PIP5K1A: variants seen among roughly 807,000 people sequenced by gnomAD.
PIP5K1A encodes phosphatidylinositol-4-phosphate 5-kinase type 1 alpha.
PIP5K1A carries 46 observed loss-of-function variants against 72.9 expected under a neutral mutation model. The observed-to-expected ratio is 0.63, with a 90% confidence interval of 0.50 to 0.81. The LOEUF is 0.81. Among genes scored for constraint, PIP5K1A ranks in the 30% least tolerant of loss-of-function variants. The pLI is 0.00. For synonymous variants in PIP5K1A, 228 were observed against 255.1 expected, an observed-to-expected ratio of 0.89 and a Z score of 1.01; for missense variants, 458 against 706.1, an observed-to-expected ratio of 0.65 and a Z score of 3.98.
At chr1:151,215,941 C>CT in intron 1 of PIP5K1A, 1 of 1,296,550 alleles carries the variant, frequency 7.7e-7, no homozygotes, top group South Asian at 1.2e-5. Flanking sequence ...TAAGGGGTAA[C>CT]TTTCTGTTTT....
At chr1:151,231,284 G>A (rs1421188751) in intron 4 of PIP5K1A, among the ~76,000 whole-genome samples, 1 of 151,526 alleles carries the variant, frequency 6.6e-6, no homozygotes, top group East Asian at 1.9e-4. Context: ...GAAATGTTTA[G>A]AGGGCTCCAG....
chr1:151,233,676 G>A (rs982289625), intron 7 of PIP5K1A: 1 of 153,092 alleles, frequency 6.5e-6, no homozygotes. Context: ...CTGAGCTCAA[G>A]TGATCCTCCT....
rs1571041371 is a variant in PIP5K1A at position 151,246,973 on chromosome 1, T to C, written c.1686+8T>C. 1.2e-6 allele frequency: 2 copies of C among 1,611,476 alleles called. No individual in the cohort carries two copies. Among genetic ancestry groups the C allele is most frequent in the Non-Finnish European group, 1.7e-6 (2 of 1,177,650 alleles). On this transcript the variant is annotated splice_region_variant and intron_variant, in intron 15 of 15. Transcript: ENST00000368888. The stretch of plus-strand genomic sequence containing the variant: ...GAGTCAGAGTTCACCCATGTGAGTA[T>C]CTGGGATGTGTGGGAGGTGAACGTT...
intron 12 of PIP5K1A, 28 bp downstream of exon 12, chr1:151,240,067 T>C (rs745582698): frequency 6.6e-7 from 1 of 1,514,516 alleles, no homozygotes; most frequent in Non-Finnish European, 9.2e-7. Flanking sequence ...ATTGACTGCC[T>C]ACTCCTGCCC....
At chr1:151,214,398 T>A (rs1687284671) in intron 1 of PIP5K1A, among the ~76,000 whole-genome samples, 1 of 152,044 alleles carries the variant, frequency 6.6e-6, no homozygotes, top group South Asian at 2.1e-4. Flanking sequence ...GTTTTTGTTT[T>A]GAGATAGAGT....
rs587660948 is a variant in PIP5K1A, at chr1:151,243,147, A to G, written c.1640+580A>G. Reference sequence around the variant, plus strand: ...CATGGGTGTGAATACCAGGAGGTGCAGGGATCATTGTGAGCCATCTTAGAA... The same window carrying G: ...CATGGGTGTGAATACCAGGAGGTGCGGGGATCATTGTGAGCCATCTTAGAA... On this transcript the variant is annotated intron_variant, in intron 14 of 15. Coordinates refer to ENST00000368888, the MANE Select transcript of PIP5K1A (RefSeq NM_001135638.2). 2.0e-5 allele frequency among the ~76,000 whole-genome samples: 3 copies of G among 152,346 alleles called. No homozygotes were observed. The East Asian group carries it at 5.8e-4, about 29-fold the overall frequency.
At position 151,240,251 on chromosome 1, in the gene PIP5K1A, G is replaced by T. The variant is rs587666504; in HGVS notation, c.1363+212G>T. The T allele has an allele frequency of 1.7e-5, 9 of 545,030 alleles. No individual in the cohort carries two copies. The African/African-American group carries it at 1.8e-4, about 11-fold the overall frequency. 33.8% of individuals were successfully genotyped at this position (545,030 alleles called of 1,614,324 possible). ...TTCCCCCTTGGCTCTTCCTGCATATGTCAATGAGGTGAGGACCATTTCTGG... is the reference window on the plus strand; with the variant it reads ...TTCCCCCTTGGCTCTTCCTGCATATTTCAATGAGGTGAGGACCATTTCTGG... On this transcript the variant is annotated intron_variant, in intron 12 of 15. Coordinates refer to ENST00000368888, the MANE Select transcript of PIP5K1A (RefSeq NM_001135638.2).
upstream of PIP5K1A, chr1:151,198,426 G>A (rs1684740438): frequency 4.0e-6 from 1 of 251,574 alleles, no homozygotes; most frequent in African/African-American, 2.3e-5. Context: ...TCCACCCGTG[G>A]ACTCGTCAGG....
Position 151,242,468 on chromosome 1 carries a change from C to T in PIP5K1A, c.1541C>T (p.Pro514Leu), listed in dbSNP as rs145227602. Residue 514 changes from proline (P) to leucine (L), a missense_variant, in exon 14 of 16, where the codon CCT becomes CTT. Pro to Leu is a moderately conservative substitution (Grantham distance 98). This residue lies in a region of PIP5K1A where 157 missense variants were observed against 175.5 expected (regional missense o/e 0.89). Coordinates refer to ENST00000368888, the MANE Select transcript of PIP5K1A (RefSeq NM_001135638.2). ...CACCTTGGTCGTCCTGATGTTTTAC[C>T]TCAGACTCCACCTTTGGAGGAAATC... ...GVHLGRPDVL[P>L]QTPPLEEISE... 159 of 1,613,934 alleles carry T rather than the reference C, an allele frequency of 9.9e-5. 1 individual carries two copies. In the East Asian group the frequency reaches 3.3e-3, roughly 34 times the overall value.
upstream of PIP5K1A, chr1:151,198,002 A>G: frequency 4.3e-6 from 2 of 465,752 alleles, no homozygotes; most frequent in Admixed American, 2.4e-5. Context: ...CTTTTTTGAC[A>G]GGTCTTCACT....
chr1:151,244,309 C>T (rs587648143), intron 14 of PIP5K1A, among the ~76,000 whole-genome samples: 1 of 152,090 alleles, frequency 6.6e-6, no homozygotes, highest in African/African-American at 2.4e-5. Context: ...CAACTATTTA[C>T]ATAGCATTTA....
At chr1:151,206,027 G>T (rs1051207561) in intron 1 of PIP5K1A, among the ~76,000 whole-genome samples, 1 of 152,084 alleles carries the variant, frequency 6.6e-6, no homozygotes, top group Non-Finnish European at 1.5e-5. Flanking sequence ...TTCCCCTATT[G>T]CACCTCACTT....
Position 151,234,279 on chromosome 1 carries a change from T to G in PIP5K1A, c.722T>G (p.Ile241Ser). 6.2e-7 allele frequency: 1 copy of G among 1,613,858 alleles called. No individual in the cohort carries two copies. Among genetic ancestry groups the G allele is most frequent in the Non-Finnish European group, 8.5e-7 (1 of 1,179,788 alleles). ...CVQAGGKNIR[I>S]VVMNNLLPRS... ...CAGGCAGGTGGCAAGAACATTCGGA[T>G]TGTGGTGATGAACAATCTTTTACCA... The change falls in exon 8 of 16, where the codon ATT becomes AGT. Residue 241 changes from isoleucine (I) to serine (S), a missense_variant. This residue lies in a region of PIP5K1A where 220 missense variants were observed against 442.6 expected (regional missense o/e 0.50). Coordinates refer to ENST00000368888, the MANE Select transcript of PIP5K1A (RefSeq NM_001135638.2).
intron 4 of PIP5K1A, among the ~76,000 whole-genome samples, chr1:151,227,724 C>CA (rs1689358945): frequency 2.0e-5 from 3 of 152,080 alleles, no homozygotes; most frequent in Non-Finnish European, 2.9e-5. Flanking sequence ...AACTCTGTCT[C>CA]TACTAAAAAT....
At position 151,198,908 on chromosome 1, in the gene PIP5K1A, T is replaced by A. The variant is rs1684795223; in HGVS notation, c.-89T>A. ...GGTGGCCCACAGAACGCGGGTTCTG[T>A]AAAGAGACGTTGGGAAGATTCGATT... is the stretch of plus-strand genomic sequence containing the variant. On this transcript the variant is annotated 5_prime_UTR_variant, in exon 1 of 16. Transcript: ENST00000368888. 2 of 1,321,178 alleles carry A rather than the reference T, an allele frequency of 1.5e-6. No individual in the cohort carries two copies. The highest frequency in any genetic ancestry group is 2.9e-5 in the African/African-American group (2 of 69,408). 81.8% of individuals were successfully genotyped at this position (1,321,178 alleles called of 1,614,324 possible). A position where few individuals can be genotyped will look rare whatever the true frequency, so the allele number is the denominator to read the frequency against.
rs1307002921 is a variant in PIP5K1A, at chr1:151,232,664, G to A, written c.600G>A (p.Glu200=). 6.2e-7 allele frequency: 1 copy of A among 1,613,770 alleles called. No individual in the cohort carries two copies. The highest frequency in any genetic ancestry group is 2.2e-5 in the East Asian group (1 of 44,892). Residue 200 remains glutamate, a synonymous_variant, in exon 7 of 16, where the codon GAG becomes GAA. Coordinates refer to ENST00000368888, the MANE Select transcript of PIP5K1A (RefSeq NM_001135638.2). ...EFIIKTVQHK[E]AEFLQKLLPG... The stretch of plus-strand genomic sequence containing the variant: ...TTATTAAGACAGTCCAACATAAAGA[G>A]GCGGAATTTCTGCAGAAGCTGCTTC...
At chr1:151,206,248 A>G (rs1302638184) in intron 1 of PIP5K1A, among the ~76,000 whole-genome samples, 1 of 152,100 alleles carries the variant, frequency 6.6e-6, no homozygotes, top group Non-Finnish European at 1.5e-5. Context: ...TGTATTCAGT[A>G]TGTATTAATT....
chr1:151,240,140 C>T (rs1006552294), intron 12 of PIP5K1A, 101 bp downstream of exon 12: 1 of 798,342 alleles, frequency 1.3e-6, no homozygotes, highest in African/African-American at 1.7e-5. Flanking sequence ...CTGCCAATGC[C>T]AGAGGCCTCT....
At chr1:151,223,398 C>T (rs936992723) in intron 1 of PIP5K1A, among the ~76,000 whole-genome samples, 1 of 151,092 alleles carries the variant, frequency 6.6e-6, no homozygotes, top group Non-Finnish European at 1.5e-5. Context: ...GTAATCCCAG[C>T]ACTTTGGGAG....
Sources: allele counts gnomAD v4.1 joint callset (sites outside exome capture counted in the v4.1 genomes callset), GRCh38; gene constraint gnomAD v4.1.1; regional missense constraint gnomAD v4.1.1; transcripts MANE v1.5; gene names NCBI Gene and HGNC (gene_info 2026-07-23, HGNC 2026-07-21).